The following SCAPER variants were observed in gnomAD, a reference collection of about 807,000 sequenced individuals.
The protein encoded by SCAPER is S-phase cyclin A associated protein in the ER, also known as S phase cyclin A-associated protein in the endoplasmic reticulum.
In SCAPER, 98 loss-of-function variants were observed where a neutral mutation model predicts 182.2. The observed-to-expected ratio is 0.54, with a 90% CI of 0.46 to 0.64. The LOEUF (loss-of-function observed/expected upper bound fraction) is 0.64, where lower values mean the gene tolerates loss of function less well. SCAPER is among the 30% of genes least tolerant of loss of function. The pLI, the probability that SCAPER is intolerant of heterozygous loss-of-function variation, is 0.00. For missense variants in SCAPER, 1,432 were observed against 1,690.0 expected, an observed-to-expected ratio of 0.85 and a Z score of 2.68; for synonymous variants, 605 against 564.6, an observed-to-expected ratio of 1.07 and a Z score of -1.01.
intron 13 of SCAPER, 23 bp from the exon 14 acceptor site, chr15:76,765,095 AAG>A: frequency 4.1e-6 from 6 of 1,454,206 alleles, no homozygotes; most frequent in Non-Finnish European, 5.6e-6. Flanking sequence ...ACAAATGGAC[AAG>A]AGACATGAAA....
At chr15:76,698,082 G>A (rs1473077474) in intron 20 of SCAPER, among the ~76,000 whole-genome samples, 1 of 151,788 alleles carries the variant, frequency 6.6e-6, no homozygotes, top group Non-Finnish European at 1.5e-5. Flanking sequence ...GAAAATGGGG[G>A]TAATCATGAA....
intron 16 of SCAPER, 114 bp from the exon 17 acceptor site, chr15:76,728,851 T>C: frequency 9.0e-7 from 1 of 1,105,648 alleles, no homozygotes; most frequent in Admixed American, 2.8e-5. Flanking sequence ...AAACATGGGC[T>C]TGCCACTAGG....
intron 9 of SCAPER, chr15:76,774,239 T>C (rs1194318696): frequency 8.9e-6 from 2 of 224,720 alleles, no homozygotes; most frequent in Non-Finnish European, 1.8e-5. Flanking sequence ...ATAAGCTAAA[T>C]TGAATTATGG....
chr15:76,497,504 G>C (rs912084245), intron 24 of SCAPER, among the ~76,000 whole-genome samples: 5 of 151,826 alleles, frequency 3.3e-5, no homozygotes, highest in Admixed American at 1.3e-4. Context: ...AAAAAAAGAA[G>C]GACACAACAA....
chr15:76,419,293 C>T (rs193103823), intron 26 of SCAPER, among the ~76,000 whole-genome samples: 12 of 146,638 alleles, frequency 8.2e-5, no homozygotes, highest in African/African-American at 2.8e-4. Context: ...CGCACCATTG[C>T]ACTCCAGCCT....
At chr15:76,756,239 G>A (rs1394988199) in intron 14 of SCAPER, among the ~76,000 whole-genome samples, 1 of 49,142 alleles carries the variant, frequency 2.0e-5, no homozygotes, top group African/African-American at 8.1e-5. Flanking sequence ...GCCAGACTCC[G>A]TCTCAAAAAA....
chr15:76,587,044 A>G (rs1351929835), intron 22 of SCAPER, among the ~76,000 whole-genome samples: 1 of 151,928 alleles, frequency 6.6e-6, no homozygotes, highest in African/African-American at 2.4e-5. Context: ...GGAGGGTTGT[A>G]TCTTTTCAGA....
intron 21 of SCAPER, among the ~76,000 whole-genome samples, chr15:76,652,622 A>G (rs2055266101): frequency 6.7e-6 from 1 of 149,958 alleles, no homozygotes; most frequent in Admixed American, 6.7e-5. Flanking sequence ...GAGGCAGGAG[A>G]ATCACTTAGA....
intron 21 of SCAPER, among the ~76,000 whole-genome samples, chr15:76,629,967 A>G (rs1217917796): frequency 2.0e-5 from 3 of 152,174 alleles, no homozygotes; most frequent in African/African-American, 2.4e-5. Context: ...CAGGGATTCA[A>G]CTTCTTCCTA....
At chr15:76,451,955 C>T (rs1192114383) in intron 25 of SCAPER, among the ~76,000 whole-genome samples, 1 of 152,152 alleles carries the variant, frequency 6.6e-6, no homozygotes, top group African/African-American at 2.4e-5. Context: ...CTAATTTCTA[C>T]ACATACCCCC....
At chr15:76,455,565 A>G (rs1205888015) in intron 25 of SCAPER, among the ~76,000 whole-genome samples, 2 of 152,034 alleles carry the variant, frequency 1.3e-5, no homozygotes, top group African/African-American at 4.8e-5. Context: ...ACAGCTTTGA[A>G]CTCTTGTGCT....
At chr15:76,607,019 T>G (rs1021996891) in intron 22 of SCAPER, among the ~76,000 whole-genome samples, 2 of 152,240 alleles carry the variant, frequency 1.3e-5, no homozygotes. Context: ...CATTTACATC[T>G]AAAGTTAATA....
At chr15:76,606,697 C>A (rs1186576680) in intron 22 of SCAPER, among the ~76,000 whole-genome samples, 1 of 151,552 alleles carries the variant, frequency 6.6e-6, no homozygotes, top group Non-Finnish European at 1.5e-5. Flanking sequence ...AATCTGGGTG[C>A]TCCTGTATTG....
Position 76,360,870 on chromosome 15 carries a change from T to C in SCAPER, c.3856-6730A>G, listed in dbSNP as rs142891747. ...GGAACACATGACTCTAAATTAGTAC[T>C]GTCTTAGGATGGCCATTTATTTGGA... On this transcript the variant is annotated intron_variant, in intron 29 of 31. Transcript: ENST00000563290. 3.1e-3 allele frequency among the ~76,000 whole-genome samples: 469 copies of C among 152,304 alleles called. 3 individuals are homozygous for C. The highest frequency in any genetic ancestry group is 0.011 in the African/African-American group (456 of 41,576).
chr15:76,787,759 C>T (rs1282730082), intron 8 of SCAPER, among the ~76,000 whole-genome samples: 1 of 152,150 alleles, frequency 6.6e-6, no homozygotes, highest in Non-Finnish European at 1.5e-5. Context: ...AAACTATCAA[C>T]TTCCAGGCAA....
intron 24 of SCAPER, among the ~76,000 whole-genome samples, chr15:76,487,483 T>C (rs945083523): frequency 3.9e-5 from 6 of 152,164 alleles, no homozygotes; most frequent in African/African-American, 1.4e-4. Flanking sequence ...CCCACAGAAC[T>C]AGAAAAGGCA....
At chr15:76,356,721 T>C (rs960620023) in intron 29 of SCAPER, among the ~76,000 whole-genome samples, 3 of 152,086 alleles carry the variant, frequency 2.0e-5, no homozygotes, top group Non-Finnish European at 4.4e-5. Flanking sequence ...TCTTTCAGAG[T>C]GCACAAGGCC....
chr15:76,379,887 A>G (rs1167361412), intron 28 of SCAPER: 1 of 152,122 alleles, frequency 6.6e-6, no homozygotes, highest in Non-Finnish European at 1.5e-5. Flanking sequence ...GGGCTCCCTG[A>G]TGGAGTGACT....
chr15:76,712,184 T>A (rs1425521364), intron 17 of SCAPER, among the ~76,000 whole-genome samples: 2 of 152,226 alleles, frequency 1.3e-5, no homozygotes, highest in African/African-American at 4.8e-5. Flanking sequence ...GCACCTTTTA[T>A]TAAATAGGGA....
Sources: gnomAD v4.1 joint callset for allele counts (sites outside exome capture counted in the v4.1 genomes callset) on GRCh38, gnomAD v4.1.1 for gene constraint, MANE v1.5 for transcripts, NCBI Gene and HGNC (gene_info 2026-07-23, HGNC 2026-07-21) for gene names.